Variants in PTPRR observed in about 807,000 individuals in gnomAD.
PTPRR encodes the protein receptor-type tyrosine-protein phosphatase R.
Under a neutral mutation model 77.2 loss-of-function variants are expected in PTPRR, and 38 were observed. The observed-to-expected ratio is 0.49, with a 90% CI of 0.38 to 0.65. The LOEUF (loss-of-function observed/expected upper bound fraction) is 0.65, where lower values mean the gene tolerates loss of function less well. Ranked by LOEUF, PTPRR falls within the 30% of genes least tolerant of loss-of-function variation. The pLI is 0.00. For missense variants in PTPRR, 744 were observed against 799.2 expected (o/e 0.93, Z 0.83); for synonymous variants, 299 against 283.1 (o/e 1.06, Z -0.57).
chr12:70,648,240 A>T (rs11178347), intron 13 of PTPRR, among the ~76,000 whole-genome samples: 52,172 of 151,320 alleles, frequency 0.34, 11,710 homozygotes, highest in African/African-American at 0.62. Context: ...CTAGATTTTA[A>T]AAAAAAACCC....
At chr12:70,700,397 G>A (rs895961057) in intron 7 of PTPRR, among the ~76,000 whole-genome samples, 2 of 152,218 alleles carry the variant, frequency 1.3e-5, no homozygotes, top group East Asian at 1.9e-4. Flanking sequence ...TAGCAACACT[G>A]GTATGTCTAA....
At chr12:70,805,401 A>T (rs1268615008) in intron 2 of PTPRR, among the ~76,000 whole-genome samples, 1 of 151,900 alleles carries the variant, frequency 6.6e-6, no homozygotes, top group Non-Finnish European at 1.5e-5. Flanking sequence ...GAGTGGTGTG[A>T]TCATAGCTCC....
intron 2 of PTPRR, among the ~76,000 whole-genome samples, chr12:70,813,735 A>G (rs992634254): frequency 6.6e-6 from 1 of 152,166 alleles, no homozygotes; most frequent in African/African-American, 2.4e-5. Context: ...CATCTCCCCA[A>G]GTTCAGAATT....
chr12:70,859,798 T>A (rs1401222239), intron 2 of PTPRR, among the ~76,000 whole-genome samples: 1 of 151,996 alleles, frequency 6.6e-6, no homozygotes, highest in Non-Finnish European at 1.5e-5. Flanking sequence ...TTCTCCCAAA[T>A]AATTTATCAT....
intron 2 of PTPRR, among the ~76,000 whole-genome samples, chr12:70,850,900 GTTAATAAA>G (rs942868920): frequency 5.3e-5 from 8 of 152,028 alleles, no homozygotes; most frequent in African/African-American, 1.9e-4. Context: ...ACATGAATGA[GTTAATAAA>G]TTGCTAACTC....
intron 2 of PTPRR, among the ~76,000 whole-genome samples, chr12:70,892,051 C>G (rs991427617): frequency 6.6e-6 from 1 of 152,024 alleles, no homozygotes; most frequent in African/African-American, 2.4e-5. Flanking sequence ...ATTTGGAAAC[C>G]TCTGACCTGG....
intron 2 of PTPRR, among the ~76,000 whole-genome samples, chr12:70,879,406 A>G (rs78140093): frequency 0.014 from 2,203 of 152,102 alleles, 58 homozygotes; most frequent in African/African-American, 0.05. Context: ...AAAAAAAAAA[A>G]AAGAAGAAAC....
chr12:70,650,583 A>G (rs1477721241), intron 13 of PTPRR, among the ~76,000 whole-genome samples: 1 of 152,116 alleles, frequency 6.6e-6, no homozygotes, highest in East Asian at 1.9e-4. Context: ...TGTCCTGAGA[A>G]GGACAATCTG....
chr12:70,853,684 C>T (rs4474545), intron 2 of PTPRR, among the ~76,000 whole-genome samples: 100,498 of 152,114 alleles, frequency 0.66, 34,024 homozygotes, highest in African/African-American at 0.8. Flanking sequence ...GACATGGACC[C>T]ATCTCTGGTC....
At chr12:70,794,282 T>C (rs960438608) in intron 2 of PTPRR, among the ~76,000 whole-genome samples, 1 of 152,234 alleles carries the variant, frequency 6.6e-6, no homozygotes, top group Non-Finnish European at 1.5e-5. Flanking sequence ...CTAGAAATAA[T>C]GGTGTGTCCA....
At chr12:70,836,395 A>T (rs1892305233) in intron 2 of PTPRR, among the ~76,000 whole-genome samples, 1 of 151,198 alleles carries the variant, frequency 6.6e-6, no homozygotes, top group African/African-American at 2.4e-5. Context: ...GAATGCATAC[A>T]TTACACCTTC....
chr12:70,722,017 T>C (rs189149484), intron 6 of PTPRR, among the ~76,000 whole-genome samples: 1 of 152,264 alleles, frequency 6.6e-6, no homozygotes, highest in African/African-American at 2.4e-5. Flanking sequence ...GCAGAGTTTG[T>C]TTTCAAAATG....
chr12:70,839,961 T>A (rs1892368324), intron 2 of PTPRR, among the ~76,000 whole-genome samples: 1 of 152,206 alleles, frequency 6.6e-6, no homozygotes, highest in Non-Finnish European at 1.5e-5. Flanking sequence ...TGTTTTTGGA[T>A]TTCAAAACAT....
At chr12:70,770,706 A>T (rs1407412413) in intron 2 of PTPRR, among the ~76,000 whole-genome samples, 1 of 152,212 alleles carries the variant, frequency 6.6e-6, no homozygotes, top group Non-Finnish European at 1.5e-5. Flanking sequence ...ACATGCACAC[A>T]TAGGTTTATT....
Position 70,761,642 on chromosome 12 carries a change from T to G in PTPRR, c.472-16A>C. 6.5e-7 allele frequency: 1 copy of G among 1,534,084 alleles called. No individual in the cohort carries two copies. Among genetic ancestry groups the G allele is most frequent in the East Asian group, 2.3e-5 (1 of 43,668 alleles). ...TCTTCTTTCCCTAATAAAAGCAGAATATTTGTATTTGTTATAGACATTTTA... is the reference window on the plus strand; with the variant it reads ...TCTTCTTTCCCTAATAAAAGCAGAAGATTTGTATTTGTTATAGACATTTTA... On this transcript the variant is annotated splice_polypyrimidine_tract_variant and intron_variant, in intron 3 of 13. Transcript: ENST00000283228.
At chr12:70,720,664 A>G (rs1889217875) in intron 6 of PTPRR, among the ~76,000 whole-genome samples, 1 of 151,792 alleles carries the variant, frequency 6.6e-6, no homozygotes. Flanking sequence ...TTGTATTTTT[A>G]GTAGAGACAG....
intron 2 of PTPRR, among the ~76,000 whole-genome samples, chr12:70,840,754 G>T (rs1892382288): frequency 6.6e-6 from 1 of 152,014 alleles, no homozygotes; most frequent in African/African-American, 2.4e-5. Context: ...TATGGGGAGG[G>T]GTAGGAGTTA....
At chr12:70,660,038 G>A (rs1312981782) in intron 12 of PTPRR, among the ~76,000 whole-genome samples, 1 of 151,874 alleles carries the variant, frequency 6.6e-6, no homozygotes, top group Admixed American at 6.6e-5. Flanking sequence ...TTAGCCAGGC[G>A]TGGTGGTGCA....
At chr12:70,666,999 A>G (rs1211254224) in intron 10 of PTPRR, among the ~76,000 whole-genome samples, 2 of 111,154 alleles carry the variant, frequency 1.8e-5, no homozygotes, top group Non-Finnish European at 3.3e-5. Flanking sequence ...TCTGTCACTC[A>G]GGCTGGAGTG....
Sources: gnomAD v4.1 joint callset for allele counts (sites outside exome capture counted in the v4.1 genomes callset) on GRCh38, gnomAD v4.1.1 for gene constraint, MANE v1.5 for transcripts, NCBI Gene and HGNC (gene_info 2026-07-23, HGNC 2026-07-21) for gene names.